Variants in TMEM156 observed in about 807,000 individuals in gnomAD.
The protein encoded by TMEM156 is transmembrane protein 156.
TMEM156 carries 28 observed loss-of-function variants against 30.5 expected under a neutral mutation model. The ratio of observed to expected loss-of-function variants is 0.92; its 90% CI spans 0.68 to 1.26. The LOEUF is 1.26. Among genes scored for constraint, TMEM156 ranks in the 50% most tolerant of loss-of-function variants. The pLI is 0.00. For synonymous variants in TMEM156, 137 were observed against 119.9 expected, an observed-to-expected ratio of 1.14 and a Z score of -0.93; for missense variants, 351 against 340.6, an observed-to-expected ratio of 1.03 and a Z score of -0.24.
At chr4:39,027,570 T>TTTTTG (rs1270149634) in intron 1 of TMEM156, among the ~76,000 whole-genome samples, 5 of 145,370 alleles carry the variant, frequency 3.4e-5, no homozygotes, top group African/African-American at 5.1e-5. Flanking sequence ...TTTTTTTTTT[T>TTTTTG]TTTGAGACGG....
intron 4 of TMEM156, 43 bp from the exon 5 acceptor site, chr4:38,986,462 C>G: frequency 1.4e-6 from 2 of 1,421,840 alleles, no homozygotes. Flanking sequence ...GATAAACAAG[C>G]GCATTGTTAA....
chr4:38,988,813 G>C, intron 4 of TMEM156, 38 bp downstream of exon 4: 1 of 1,612,354 alleles, frequency 6.2e-7, no homozygotes, highest in Non-Finnish European at 8.5e-7. Context: ...CCATAGAAGA[G>C]ATCAGGAGTT....
At chr4:38,999,405 A>C (rs1323599650) in intron 1 of TMEM156, among the ~76,000 whole-genome samples, 7 of 152,216 alleles carry the variant, frequency 4.6e-5, no homozygotes, top group Non-Finnish European at 8.8e-5. Flanking sequence ...AAGCGCTTGG[A>C]ATCTCAGCAT....
chr4:38,984,321 CTCTT>C (rs1230993490), intron 5 of TMEM156, among the ~76,000 whole-genome samples: 65 of 133,620 alleles, frequency 4.9e-4, no homozygotes, highest in African/African-American at 2.1e-3. Context: ...CTCTCTCTCT[CTCTT>C]TCTCTCTGTC....
intron 5 of TMEM156, chr4:38,980,817 G>A: frequency 7.1e-6 from 4 of 563,820 alleles, no homozygotes; most frequent in Non-Finnish European, 9.0e-6. Context: ...CAGGAGAGGC[G>A]GGATGGTTCA....
At chr4:38,994,741 G>T (rs1712801143) in intron 2 of TMEM156, among the ~76,000 whole-genome samples, 1 of 152,010 alleles carries the variant, frequency 6.6e-6, no homozygotes, top group Non-Finnish European at 1.5e-5. Context: ...TGAGGTCAGG[G>T]GTTCGAGACC....
intron 5 of TMEM156, among the ~76,000 whole-genome samples, chr4:38,975,441 G>A (rs1722805436): frequency 6.7e-6 from 1 of 148,584 alleles, no homozygotes; most frequent in African/African-American, 2.5e-5. Flanking sequence ...GGAGTGCAGT[G>A]GTGCAATCTC....
intron 1 of TMEM156, among the ~76,000 whole-genome samples, chr4:39,010,070 A>C (rs1714007096): frequency 6.6e-6 from 1 of 152,172 alleles, no homozygotes; most frequent in Non-Finnish European, 1.5e-5. Flanking sequence ...AATGTACAAA[A>C]ATCAGTAGCA....
chr4:39,001,538 C>T (rs377259399), intron 1 of TMEM156, among the ~76,000 whole-genome samples: 1 of 146,064 alleles, frequency 6.8e-6, no homozygotes, highest in Non-Finnish European at 1.5e-5. Flanking sequence ...AGAATTACTT[C>T]TTCTTTTTTT....
intron 3 of TMEM156, among the ~76,000 whole-genome samples, chr4:38,992,759 TATA>T (rs1560367242): frequency 2.1e-4 from 15 of 70,740 alleles, no homozygotes; most frequent in African/African-American, 4.3e-4. Flanking sequence ...TATATATATA[TATA>T]TTTTTTTTTG....
chr4:38,998,238 A>G (rs962889773), intron 2 of TMEM156, among the ~76,000 whole-genome samples: 1 of 152,170 alleles, frequency 6.6e-6, no homozygotes, highest in African/African-American at 2.4e-5. Context: ...TTCCAGTGCC[A>G]CTGGATCTAA....
chr4:39,028,402 C>T (rs1182114122), intron 1 of TMEM156: 1 of 152,182 alleles, frequency 6.6e-6, no homozygotes, highest in East Asian at 1.9e-4. Context: ...ATTTATTTCT[C>T]TTTGCAAATG....
At chr4:38,972,632 G>T (rs1004890945) in intron 5 of TMEM156, among the ~76,000 whole-genome samples, 4 of 151,432 alleles carry the variant, frequency 2.6e-5, no homozygotes, top group Non-Finnish European at 5.9e-5. Context: ...AATATTCTTG[G>T]CACATAGTAG....
intron 1 of TMEM156, among the ~76,000 whole-genome samples, chr4:39,021,735 T>C (rs1714884127): frequency 6.6e-6 from 1 of 152,242 alleles, no homozygotes; most frequent in African/African-American, 2.4e-5. Flanking sequence ...ATTGATATTT[T>C]TCCCTATGTT....
At chr4:38,976,194 G>A (rs1722841783) in intron 5 of TMEM156, among the ~76,000 whole-genome samples, 1 of 150,278 alleles carries the variant, frequency 6.7e-6, no homozygotes, top group African/African-American at 2.5e-5. Flanking sequence ...GGCTGAGGCA[G>A]GAGAATCCCT....
At chr4:39,022,002 T>C (rs1160536805) in intron 1 of TMEM156, among the ~76,000 whole-genome samples, 3 of 152,264 alleles carry the variant, frequency 2.0e-5, no homozygotes, top group African/African-American at 7.2e-5. Context: ...TCACGTGTTT[T>C]ATCATTTTTG....
chr4:39,014,077 AAACTTC>A (rs1714308770), intron 1 of TMEM156, among the ~76,000 whole-genome samples: 1 of 152,224 alleles, frequency 6.6e-6, no homozygotes, highest in South Asian at 2.1e-4. Flanking sequence ...TATGGATACT[AAACTTC>A]AAGTTTAATA....
intron 5 of TMEM156, among the ~76,000 whole-genome samples, chr4:38,975,298 A>G (rs1474960118): frequency 1.3e-5 from 2 of 151,564 alleles, no homozygotes; most frequent in African/African-American, 2.4e-5. Context: ...AGTACCAACC[A>G]CATCTATGGG....
chr4:38,987,861 T>C (rs1712114164), intron 4 of TMEM156, among the ~76,000 whole-genome samples: 1 of 152,232 alleles, frequency 6.6e-6, no homozygotes, highest in Non-Finnish European at 1.5e-5. Context: ...TTTTAGTGCC[T>C]ATTCTTATAG....
Sources: gnomAD v4.1 joint callset for allele counts (sites outside exome capture counted in the v4.1 genomes callset) on GRCh38, gnomAD v4.1.1 for gene constraint, MANE v1.5 for transcripts, NCBI Gene and HGNC (gene_info 2026-07-23, HGNC 2026-07-21) for gene names.